The following BAZ1A variants were observed in gnomAD, a reference collection of about 807,000 sequenced individuals.
The protein encoded by BAZ1A is bromodomain adjacent to zinc finger domain protein 1A.
BAZ1A carries 50 observed loss-of-function variants against 185.2 expected under a neutral mutation model. That is an observed-to-expected ratio of 0.27 (90% CI 0.22 to 0.34). The LOEUF (loss-of-function observed/expected upper bound fraction) is 0.34. BAZ1A is among the 10% of genes least tolerant of loss of function. The pLI, the probability that BAZ1A is intolerant of heterozygous loss-of-function variation, is 1.00. For missense variants in BAZ1A, 1,356 were observed against 1,839.9 expected (o/e 0.74, Z 4.81); for synonymous variants, 571 against 615.6 (o/e 0.93, Z 1.07).
chr14:34,846,625 T>C lies in BAZ1A; in HGVS notation c.392+15419A>G, dbSNP rs74043572. ...TTTCATTTGTTTTTGTGACTATGTA[T>C]GAATTTTTAGCGTATAAAAAAAGGG... On this transcript the variant is annotated intron_variant, in intron 3 of 26. Coordinates refer to ENST00000360310, the MANE Select transcript of BAZ1A (RefSeq NM_013448.3). 8.7e-4 allele frequency among the ~76,000 whole-genome samples: 133 copies of C among 152,364 alleles called. 1 individual carries two copies. The highest frequency in any genetic ancestry group is 3.1e-3 in the African/African-American group (129 of 41,592).
rs367850682 is a variant in BAZ1A, at chr14:34,854,366, G to A, written c.392+7678C>T. On this transcript the variant is annotated intron_variant, in intron 3 of 26. Transcript: ENST00000360310. ...GAACCCGGGACACAGAATCTGCAGT[G>A]AGCCGAGGTCACGCTACTGCACTCC... 1.1e-4 allele frequency among the ~76,000 whole-genome samples: 16 copies of A among 152,042 alleles called. No individual in the cohort carries two copies. In the East Asian group the frequency reaches 2.5e-3, roughly 24 times the overall value.
chr14:34,842,024 A>G (rs943175538), intron 3 of BAZ1A, among the ~76,000 whole-genome samples: 1 of 152,176 alleles, frequency 6.6e-6, no homozygotes, highest in Non-Finnish European at 1.5e-5. Flanking sequence ...ATAAATATCT[A>G]AAATTATCCT....
At chr14:34,839,128 C>A (rs779348213) in intron 3 of BAZ1A, among the ~76,000 whole-genome samples, 10 of 152,072 alleles carry the variant, frequency 6.6e-5, no homozygotes, top group Non-Finnish European at 1.2e-4. Flanking sequence ...GAAAACAGAT[C>A]AGTGGTTTGT....
chr14:34,835,630 T>C (rs1026998566), intron 3 of BAZ1A, among the ~76,000 whole-genome samples: 1 of 151,550 alleles, frequency 6.6e-6, no homozygotes, highest in Non-Finnish European at 1.5e-5. Context: ...GGCACAACAT[T>C]AATTAGTCAT....
At chr14:34,794,537 A>G (rs535766250) in intron 11 of BAZ1A, among the ~76,000 whole-genome samples, 2 of 152,286 alleles carry the variant, frequency 1.3e-5, no homozygotes, top group African/African-American at 4.8e-5. Context: ...GTGCCACATA[A>G]TAAGTATGAG....
At chr14:34,872,061 A>C (rs765504095) in intron 2 of BAZ1A, among the ~76,000 whole-genome samples, 1 of 152,194 alleles carries the variant, frequency 6.6e-6, no homozygotes, top group Non-Finnish European at 1.5e-5. Context: ...TCTTCTTCCA[A>C]TTTTGTCAAA....
chr14:34,766,695 A>G (rs1297067373), intron 21 of BAZ1A, among the ~76,000 whole-genome samples: 1 of 152,238 alleles, frequency 6.6e-6, no homozygotes. Flanking sequence ...ACATAGGCTA[A>G]GATTTTAAAG....
At chr14:34,826,416 G>C (rs1268488029) in intron 3 of BAZ1A, among the ~76,000 whole-genome samples, 1 of 152,070 alleles carries the variant, frequency 6.6e-6, no homozygotes, top group Admixed American at 6.5e-5. Flanking sequence ...GCTAGCTCTG[G>C]ATTGTTTGTT....
At chr14:34,788,757 C>G (rs868398548) in intron 12 of BAZ1A, among the ~76,000 whole-genome samples, 1 of 152,288 alleles carries the variant, frequency 6.6e-6, no homozygotes, top group Middle Eastern at 3.4e-3. Flanking sequence ...ATCTTTCCAA[C>G]TCTCCTGCAG....
intron 18 of BAZ1A, among the ~76,000 whole-genome samples, chr14:34,774,886 G>A (rs1050043862): frequency 3.9e-5 from 6 of 152,170 alleles, no homozygotes; most frequent in Non-Finnish European, 8.8e-5. Context: ...GATATTTAAG[G>A]AAGACAGACA....
chr14:34,854,555 G>C (rs1200410), intron 3 of BAZ1A, among the ~76,000 whole-genome samples: 1 of 152,012 alleles, frequency 6.6e-6, no homozygotes, highest in African/African-American at 2.4e-5. Flanking sequence ...TCAAGTCAAC[G>C]GCAGTATTAC....
chr14:34,859,860 T>C (rs1209574371), intron 3 of BAZ1A, among the ~76,000 whole-genome samples: 1 of 152,162 alleles, frequency 6.6e-6, no homozygotes, highest in Non-Finnish European at 1.5e-5. Flanking sequence ...TCTCCAGTCT[T>C]TGGAGGAGTT....
chr14:34,808,339 C>CA lies in BAZ1A; in HGVS notation c.639-802dup, dbSNP rs906922855. Among the ~76,000 whole-genome samples the CA allele has an allele frequency of 1.7e-4, 26 of 151,118 alleles. No homozygotes were observed. The East Asian group carries it at 4.5e-3, about 26-fold the overall frequency. On this transcript the variant is annotated intron_variant, in intron 5 of 26. Transcript: ENST00000360310. ...TGAAACCCCATCTCTACTAAAAATA[C>CA]AAAAAAAATTAGCTGGGCGGTAGTG...
At chr14:34,859,780 T>C (rs910011471) in intron 3 of BAZ1A, among the ~76,000 whole-genome samples, 1 of 152,190 alleles carries the variant, frequency 6.6e-6, no homozygotes, top group Non-Finnish European at 1.5e-5. Context: ...ACAAACAAAA[T>C]AGCTTTGTAA....
chr14:34,762,145 A>C lies in BAZ1A; in HGVS notation c.3855T>G (p.Arg1285=). Residue 1285 remains arginine, a synonymous_variant, in exon 24 of 27, where the codon CGT becomes CGG. Coordinates refer to ENST00000360310, the MANE Select transcript of BAZ1A (RefSeq NM_013448.3). The stretch of plus-strand genomic sequence containing the variant: ...ATCTTCCAGGTTCTTGTTGTTGGCC[A>C]CGACTTGAGAAAGAAGAGCTAAGTT... The part of the protein sequence containing the change: ...RGKLSSSFSS[R]GQQQEPGRYP... 1 of 1,614,210 alleles carries C rather than the reference A, an allele frequency of 6.2e-7. No individual in the cohort carries two copies. Among genetic ancestry groups the C allele is most frequent in the Non-Finnish European group, 8.5e-7 (1 of 1,180,040 alleles).
chr14:34,803,381 A>AC (rs1881678720), intron 6 of BAZ1A, among the ~76,000 whole-genome samples: 2 of 26,068 alleles, frequency 7.7e-5, no homozygotes, highest in South Asian at 3.7e-3. Flanking sequence ...CCATCTCAGG[A>AC]AAAAAAAAAA....
chr14:34,856,674 A>G (rs2042683766), intron 3 of BAZ1A, among the ~76,000 whole-genome samples: 1 of 151,908 alleles, frequency 6.6e-6, no homozygotes, highest in African/African-American at 2.4e-5. Flanking sequence ...CCTGGTCAAC[A>G]TAGTGAAACC....
At position 34,826,093 on chromosome 14, in the gene BAZ1A, A is replaced by G; in HGVS notation, c.456T>C (p.His152=). ...TAGTTTCTCCATCCACACTGTTAACATGTCCATTAGCAAAACCATTTTGAT... is the reference window on the plus strand; with the variant it reads ...TAGTTTCTCCATCCACACTGTTAACGTGTCCATTAGCAAAACCATTTTGAT... ...PSHQNGFANG[H]VNSVDGETII... The change falls in exon 4 of 27, where the codon CAT becomes CAC. Residue 152 remains histidine, a synonymous_variant. Transcript: ENST00000360310. 1 of 1,612,768 alleles carries G rather than the reference A, an allele frequency of 6.2e-7. No individual in the cohort carries two copies.
intron 3 of BAZ1A, among the ~76,000 whole-genome samples, chr14:34,827,554 T>C (rs11624866): frequency 6.6e-6 from 1 of 151,778 alleles, no homozygotes; most frequent in South Asian, 2.1e-4. Flanking sequence ...GCTAACCTGG[T>C]GAAACCCCAT....
Sources: gnomAD v4.1 joint callset for allele counts (sites outside exome capture counted in the v4.1 genomes callset) on GRCh38, gnomAD v4.1.1 for gene constraint, MANE v1.5 for transcripts, NCBI Gene and HGNC (gene_info 2026-07-23, HGNC 2026-07-21) for gene names.